The following GBP3 variants were observed in gnomAD, a reference collection of about 807,000 sequenced individuals.
GBP3 encodes guanylate binding protein 3, also known as guanylate-binding protein 3.
GBP3 carries 55 observed loss-of-function variants against 62.4 expected under a neutral mutation model. The ratio of observed to expected loss-of-function variants is 0.88; its 90% CI spans 0.71 to 1.10. The LOEUF (loss-of-function observed/expected upper bound fraction) is 1.10, where lower values mean the gene tolerates loss of function less well. Ranked by LOEUF, GBP3 falls within the 50% of genes least tolerant of loss-of-function variation. The pLI, the probability that GBP3 is intolerant of heterozygous loss-of-function variation, is 0.00. For synonymous variants in GBP3, 208 were observed against 259.2 expected (o/e 0.80, Z 1.90); for missense variants, 605 against 690.6 (o/e 0.88, Z 1.39).
chr1:89,013,490 A>G, intron 5 of GBP3, 63 bp from the exon 6 acceptor site: 1 of 1,515,872 alleles, frequency 6.6e-7, no homozygotes, highest in South Asian at 1.3e-5. Context: ...TCAAATAGTA[A>G]ATATTTTAGG....
intron 8 of GBP3, among the ~76,000 whole-genome samples, chr1:89,010,145 C>G (rs1009721613): frequency 2.7e-5 from 4 of 147,552 alleles, no homozygotes; most frequent in African/African-American, 1.0e-4. Flanking sequence ...TTTTTTGAGA[C>G]AGAGTCTTGC....
In GBP3 at chr1:89,022,757, T is replaced by C. The variant is rs1679318022; in HGVS notation, c.-96A>G. On this transcript the variant is annotated 5_prime_UTR_variant, in exon 1 of 11. Coordinates refer to ENST00000370481, the MANE Select transcript of GBP3 (RefSeq NM_018284.3). ...TTTCTTTCGCTGGATCGCTGGACTT[T>C]TATTTCACCCCTTCAGTGTTGTGTA... is the stretch of plus-strand genomic sequence containing the variant. The C allele has an allele frequency of 6.6e-6, 1 of 152,238 alleles. No homozygotes were observed. The highest frequency in any genetic ancestry group is 1.5e-5 in the Non-Finnish European group (1 of 68,046). 9.4% of individuals were successfully genotyped at this position (152,238 alleles called of 1,614,324 possible).
chr1:89,013,202 A>G lies in GBP3; in HGVS notation c.851T>C (p.Ile284Thr), dbSNP rs370976551. 6 of 1,613,900 alleles carry G rather than the reference A, an allele frequency of 3.7e-6. No homozygotes were observed. The African/African-American group carries it at 5.3e-5, about 14-fold the overall frequency. ...GGACTTACGAGGCCCATTGACCTTG[A>G]TGCCTCCTGAAAGAGTTTTAGTTTT... ...NSKTKTLSGGIKVNGPRLESL... is the reference protein window; with the variant it reads ...NSKTKTLSGGTKVNGPRLESL... Residue 284 changes from isoleucine to threonine, a missense_variant, in exon 6 of 11, where the codon ATC (isoleucine) becomes ACC (threonine). Ile to Thr is a moderately conservative substitution (Grantham distance 89). Around this residue, in one of 3 missense-constraint regions of GBP3, gnomAD observed 137 missense variants for 224.7 expected, o/e 0.61. Coordinates refer to ENST00000370481, the MANE Select transcript of GBP3 (RefSeq NM_018284.3).
rs774647388 is a variant in GBP3 at position 89,013,291 on chromosome 1, T to A, written c.762A>T (p.Glu254Asp). The A allele has an allele frequency of 1.2e-6, 2 of 1,614,206 alleles. No homozygotes were observed. Among genetic ancestry groups the A allele is most frequent in the Admixed American group, 3.3e-5 (2 of 60,020 alleles). ...KLAQLEKLQD[E>D]ELDPEFVQQV... Reference sequence around the variant, plus strand: ...GTTGCACAAATTCAGGGTCCAGCTCTTCATCTTGTAGTTTCTCAAGCTGGG... The same window carrying A: ...GTTGCACAAATTCAGGGTCCAGCTCATCATCTTGTAGTTTCTCAAGCTGGG... Residue 254 changes from glutamate (E) to aspartate (D), a missense_variant, in exon 6 of 11, where the codon GAA becomes GAT. Transcript: ENST00000370481.
chr1:89,013,345 G>A lies in GBP3; in HGVS notation c.708C>T (p.Phe236=), dbSNP rs774535164. The A allele has an allele frequency of 3.3e-5, 53 of 1,614,052 alleles. No individual in the cohort carries two copies. Among genetic ancestry groups the A allele is most frequent in the South Asian group, 1.6e-4 (15 of 91,086 alleles). The change falls in exon 6 of 11, where the codon TTC becomes TTT. Residue 236 remains phenylalanine, a synonymous_variant. Coordinates refer to ENST00000370481, the MANE Select transcript of GBP3 (RefSeq NM_018284.3). ...KFFPKKKCFV[F]DLPIHRRKLA... is the part of the protein sequence containing the mutation. The stretch of plus-strand genomic sequence containing the variant: ...GCTTCCTGCGGTGAATGGGCAGATC[G>A]AAGACAAAACATTTTTTCTTTGGGA...
intron 1 of GBP3, among the ~76,000 whole-genome samples, chr1:89,021,426 A>G (rs915376411): frequency 2.0e-5 from 3 of 151,962 alleles, no homozygotes; most frequent in African/African-American, 4.8e-5. Flanking sequence ...TAGCGTCATG[A>G]TAAGGTAGCC....
intron 1 of GBP3, among the ~76,000 whole-genome samples, chr1:89,021,054 A>G (rs916906853): frequency 6.6e-6 from 1 of 152,198 alleles, no homozygotes. Flanking sequence ...TAGGATATAG[A>G]GAATTTTTTT....
chr1:89,012,860 T>A (rs1040968426), intron 6 of GBP3, among the ~76,000 whole-genome samples: 1 of 135,792 alleles, frequency 7.4e-6, no homozygotes, highest in African/African-American at 2.5e-5. Flanking sequence ...CCTTTCATAT[T>A]TTTTTTTTCC....
intron 10 of GBP3, chr1:89,008,712 G>GT (rs1233074108): frequency 3.0e-6 from 2 of 663,326 alleles, no homozygotes; most frequent in African/African-American, 1.8e-5. Flanking sequence ...TATGACAGCC[G>GT]TAAGTGGAAG....
rs576028010 is a variant in GBP3 at position 89,017,307 on chromosome 1, T to G, written c.191-1893A>C. ...ACATTGGGAAAACTGGATATTCACA[T>G]GCTCACATGCCAAAAAAAAAAAAAA... On this transcript the variant is annotated intron_variant, in intron 2 of 10. Coordinates refer to ENST00000370481, the MANE Select transcript of GBP3 (RefSeq NM_018284.3). Among the ~76,000 whole-genome samples the G allele has an allele frequency of 4.1e-3, 614 of 149,666 alleles. 2 individuals are homozygous for G. The highest frequency in any genetic ancestry group is 8.2e-3 in the Admixed American group (123 of 15,062).
Position 89,013,497 on chromosome 1 carries a change from T to C in GBP3, c.626-70A>G, listed in dbSNP as rs113215230. On this transcript the variant is annotated intron_variant, in intron 5 of 10. Transcript: ENST00000370481. ...GTAAAGCGTCAAATAGTAAATATTTTAGGCTCTGCAGGCTAGGTGGTCTCT... is the reference window on the plus strand; with the variant it reads ...GTAAAGCGTCAAATAGTAAATATTTCAGGCTCTGCAGGCTAGGTGGTCTCT... The C allele has an allele frequency of 8.1e-4, 1,214 of 1,490,074 alleles. 5 individuals carry two copies. In the African/African-American group the frequency reaches 0.014, roughly 18 times the overall value. The allele number at this position is 1,490,074 out of a possible 1,614,324, so 92.3% of individuals were successfully genotyped here.
intron 2 of GBP3, among the ~76,000 whole-genome samples, chr1:89,019,594 T>A (rs1679074723): frequency 6.6e-6 from 1 of 152,204 alleles, no homozygotes; most frequent in Non-Finnish European, 1.5e-5. Context: ...AAAGGAAAAA[T>A]TTTGACACAT....
At chr1:89,018,845 T>A (rs1679023273) in intron 2 of GBP3, among the ~76,000 whole-genome samples, 1 of 152,332 alleles carries the variant, frequency 6.6e-6, no homozygotes, top group East Asian at 1.9e-4. Context: ...GTGACCCCCC[T>A]GGACCCAGCT....
chr1:89,021,561 CCAAA>C (rs1200273175), intron 1 of GBP3, among the ~76,000 whole-genome samples: 1 of 137,116 alleles, frequency 7.3e-6, no homozygotes, highest in Non-Finnish European at 1.6e-5. Flanking sequence ...AAAAACCAAA[CCAAA>C]CAAACAACAG....
intron 3 of GBP3, among the ~76,000 whole-genome samples, 169 bp downstream of exon 3, chr1:89,015,118 T>C (rs1173132433): frequency 6.6e-6 from 1 of 152,228 alleles, no homozygotes; most frequent in Non-Finnish European, 1.5e-5. Context: ...TTCTGTCTTA[T>C]GAATATTTTT....
chr1:89,014,297 G>A lies in GBP3; in HGVS notation c.429-18C>T. The A allele has an allele frequency of 6.2e-7, 1 of 1,613,946 alleles. No homozygotes were observed. Among genetic ancestry groups the A allele is most frequent in the Non-Finnish European group, 8.5e-7 (1 of 1,179,856 alleles). On this transcript the variant is annotated intron_variant, in intron 4 of 10. Transcript: ENST00000370481. Reference sequence around the variant, plus strand: ...TCACATAGCTGAGTAGCTAACTAAGGAAATGTGACAAAATGAACAGGAACC... The same window carrying A: ...TCACATAGCTGAGTAGCTAACTAAGAAAATGTGACAAAATGAACAGGAACC...
rs1417614239 is a variant in GBP3, at chr1:89,015,350, G to A, written c.255C>T (p.His85=). The change falls in exon 3 of 11, where the codon CAC becomes CAT. Residue 85 remains histidine (H), a synonymous_variant. Transcript: ENST00000370481. ...CTAAGGTGTGTTCTGGCTTTTTGGG[G>A]TGAGGCACACACCACATCCAGATTC... ...TKGIWMWCVP[H]PKKPEHTLVL... 1 of 1,613,292 alleles carries A rather than the reference G, an allele frequency of 6.2e-7. No individual in the cohort carries two copies. Among genetic ancestry groups the A allele is most frequent in the South Asian group, 1.1e-5 (1 of 90,950 alleles).
intron 6 of GBP3, 58 bp downstream of exon 6, chr1:89,013,127 C>T: frequency 6.4e-7 from 1 of 1,572,156 alleles, no homozygotes; most frequent in Non-Finnish European, 8.7e-7. Context: ...CATGAACCAT[C>T]ATGCCTGGCC....
At chr1:89,017,788 A>G (rs1678966560) in intron 2 of GBP3, among the ~76,000 whole-genome samples, 1 of 151,842 alleles carries the variant, frequency 6.6e-6, no homozygotes, top group Non-Finnish European at 1.5e-5. Flanking sequence ...ATCAAAAAAA[A>G]TTGAAAAGGG....
Sources: allele counts gnomAD v4.1 joint callset (sites outside exome capture counted in the v4.1 genomes callset), GRCh38; gene constraint gnomAD v4.1.1; regional missense constraint gnomAD v4.1.1; transcripts MANE v1.5; gene names NCBI Gene and HGNC (gene_info 2026-07-23, HGNC 2026-07-21).